Variants in ZNF558 observed in about 807,000 individuals in gnomAD.
ZNF558 encodes zinc finger protein 558.
In ZNF558, 23 loss-of-function variants were observed where a neutral mutation model predicts 37.6. The observed-to-expected ratio is 0.61, with a 90% CI of 0.44 to 0.87. The LOEUF (loss-of-function observed/expected upper bound fraction) is 0.87. Among genes scored for constraint, ZNF558 ranks in the 40% least tolerant of loss-of-function variants. ZNF558 has a pLI of 0.00. For missense variants in ZNF558, 429 were observed against 483.7 expected, an observed-to-expected ratio of 0.89 and a Z score of 1.06; for synonymous variants, 189 against 174.4, an observed-to-expected ratio of 1.08 and a Z score of -0.66.
intron 7 of ZNF558, among the ~76,000 whole-genome samples, chr19:8,813,758 A>G (rs1250471442): frequency 6.6e-6 from 1 of 152,254 alleles, no homozygotes; most frequent in South Asian, 2.1e-4. Flanking sequence ...TAGGGCATAA[A>G]CAGCCCCAGA....
intron 9 of ZNF558, among the ~76,000 whole-genome samples, 154 bp downstream of exon 9, chr19:8,812,407 A>G (rs1450398561): frequency 2.6e-5 from 4 of 152,226 alleles, no homozygotes; most frequent in Admixed American, 2.6e-4. Context: ...TTCTCTAAAT[A>G]TTTATAATTT....
At position 8,807,093 on chromosome 19, in the gene ZNF558, G is replaced by T. The variant is rs1200582506; in HGVS notation, c.*4188C>A. 1.3e-5 allele frequency: 2 copies of T among 152,296 alleles called. No individual in the cohort carries two copies. Among genetic ancestry groups the T allele is most frequent in the Admixed American group, 1.3e-4 (2 of 15,298 alleles). The allele number at this position is 152,296 out of a possible 1,614,324, so 9.4% of individuals were successfully genotyped here. On this transcript the variant is annotated 3_prime_UTR_variant, in exon 10 of 10. Transcript: ENST00000601372. ...GCTATTGATTTATATATTCATAAAT[G>T]GGGATATTTTCCTGTCTCAATGGAT... is the stretch of plus-strand genomic sequence containing the variant.
upstream of ZNF558, among the ~76,000 whole-genome samples, chr19:8,834,692 A>G (rs1311963038): frequency 3.3e-5 from 5 of 151,912 alleles, no homozygotes; most frequent in Non-Finnish European, 4.4e-5. Flanking sequence ...ATGAAATTGG[A>G]CCTCTACTTC....
upstream of ZNF558, among the ~76,000 whole-genome samples, chr19:8,835,197 G>C (rs1043832892): frequency 6.6e-6 from 1 of 152,012 alleles, no homozygotes; most frequent in Admixed American, 6.6e-5. Context: ...GACCACAGGC[G>C]TTCACCACCA....
chr19:8,830,885 AC>A (rs1345206423), intron 2 of ZNF558: 2 of 151,774 alleles, frequency 1.3e-5, no homozygotes, highest in Non-Finnish European at 2.9e-5. Flanking sequence ...ACAGAGTGAG[AC>A]TTGGTCTCAA....
Position 8,812,626 on chromosome 19 carries a change from T to C in ZNF558, c.361A>G (p.Lys121Glu). 2 of 1,601,316 alleles carry C rather than the reference T, an allele frequency of 1.2e-6. No individual in the cohort carries two copies. Among genetic ancestry groups the C allele is most frequent in the Non-Finnish European group, 1.7e-6 (2 of 1,176,608 alleles). Reference protein sequence around the residue: ...STCPDLETLLKAKWLTPKKNV... With the variant: ...STCPDLETLLEAKWLTPKKNV... ...TTCTTAGGAGTTAACCATTTGGCTT[T>C]AAGTAGAGTCTCCAAATCTGAAACA... The change falls in exon 9 of 10, where the codon AAA becomes GAA. Residue 121 changes from lysine (K) to glutamate (E), a missense_variant. Physicochemically the swap from Lys to Glu is moderately conservative, Grantham distance 56. Coordinates refer to ENST00000601372, the MANE Select transcript of ZNF558 (RefSeq NM_144693.3).
upstream of ZNF558, chr19:8,832,393 T>C (rs1402815695): frequency 1.3e-5 from 2 of 152,868 alleles, no homozygotes; most frequent in East Asian, 3.8e-4. Flanking sequence ...TCGAGCGTGT[T>C]GGGGGTTCGG....
At chr19:8,815,800 A>C (rs891938695) in intron 7 of ZNF558, among the ~76,000 whole-genome samples, 6 of 144,478 alleles carry the variant, frequency 4.2e-5, no homozygotes, top group Admixed American at 4.1e-4. Context: ...AAAGATAAAG[A>C]GAGAGAGAGA....
In ZNF558 at chr19:8,813,203, G is replaced by C; in HGVS notation, c.267C>G (p.Pro89=). ...LASLGCRVNK[P]SLISQLEQDK... ...CTTGTTCCAACTGGGATATCAGACT[G>C]GGTTTATTAACACGACACCCTATTT... The change falls in exon 8 of 10, where the codon CCC becomes CCG. Residue 89 remains proline (P), a synonymous_variant. Coordinates refer to ENST00000601372, the MANE Select transcript of ZNF558 (RefSeq NM_144693.3). The C allele has an allele frequency of 6.3e-7, 1 of 1,595,884 alleles. No homozygotes were observed. Among genetic ancestry groups the C allele is most frequent in the Non-Finnish European group, 8.5e-7 (1 of 1,170,202 alleles).
At chr19:8,819,639 G>A (rs2967742) in intron 7 of ZNF558, among the ~76,000 whole-genome samples, 124,534 of 152,170 alleles carry the variant, frequency 0.82, 51,448 homozygotes, top group South Asian at 0.92. Flanking sequence ...AACAACCCAA[G>A]TAAAACATGG....
In ZNF558 at chr19:8,822,591, G is replaced by A; in HGVS notation, c.31+38C>T. Reference sequence around the variant, plus strand: ...CATGCTGTGGGTCAGAACCTTTCAAGGCTGGACTCTGAGAAATGTCAGGAC... The same window carrying A: ...CATGCTGTGGGTCAGAACCTTTCAAAGCTGGACTCTGAGAAATGTCAGGAC... On this transcript the variant is annotated intron_variant, in intron 5 of 9. Transcript: ENST00000601372. This position sits in a 1 kb window ranked among gnomAD's most constrained non-coding sequence, Gnocchi z 4.4. 6.2e-7 allele frequency: 1 copy of A among 1,613,930 alleles called. No homozygotes were observed. The highest frequency in any genetic ancestry group is 1.7e-5 in the Admixed American group (1 of 60,016).
In ZNF558 at chr19:8,811,694, A is replaced by G. The variant is rs1555768116; in HGVS notation, c.796T>C (p.Cys266Arg). The G allele has an allele frequency of 1.2e-6, 2 of 1,614,154 alleles. No homozygotes were observed. The highest frequency in any genetic ancestry group is 2.2e-5 in the South Asian group (2 of 91,074). ...CTGAAAGCTTTTCCACACTGATTAC[A>G]TTCATGGTGATTCTCCCCCGTGTGA... ...RIHTGENHHE[C>R]NQCGKAFSTR... The change falls in exon 10 of 10, where the codon TGT (cysteine) becomes CGT (arginine). Residue 266 changes from cysteine to arginine, a missense_variant. Coordinates refer to ENST00000601372, the MANE Select transcript of ZNF558 (RefSeq NM_144693.3).
chr19:8,821,735 A>C, intron 6 of ZNF558: 7 of 1,326,662 alleles, frequency 5.3e-6, no homozygotes, highest in Non-Finnish European at 6.8e-6. Flanking sequence ...TTGGGTTTAG[A>C]ACATCATCAC....
chr19:8,816,502 C>T (rs11085736), intron 7 of ZNF558, among the ~76,000 whole-genome samples: 22,135 of 152,140 alleles, frequency 0.15, 2,045 homozygotes, highest in East Asian at 0.28. Context: ...AACCACCAAG[C>T]GCTGGAGTGG....
intron 2 of ZNF558, among the ~76,000 whole-genome samples, chr19:8,830,139 G>A (rs950376474): frequency 6.6e-5 from 10 of 152,202 alleles, no homozygotes; most frequent in Non-Finnish European, 2.9e-5. Flanking sequence ...GAAGTTTGGC[G>A]TTTATGTCTT....
chr19:8,833,007 G>C (rs2044400589), upstream of ZNF558: 3 of 153,080 alleles, frequency 2.0e-5, no homozygotes, highest in Non-Finnish European at 4.3e-5. Context: ...GACTGTGGGC[G>C]GAGACCAGTT....
chr19:8,825,380 A>C (rs2044208510), intron 2 of ZNF558, among the ~76,000 whole-genome samples: 1 of 152,206 alleles, frequency 6.6e-6, no homozygotes, highest in Non-Finnish European at 1.5e-5. Flanking sequence ...CAAAACCTGC[A>C]ATTACTTTTG....
chr19:8,813,538 T>C (rs1030359283), intron 7 of ZNF558, among the ~76,000 whole-genome samples: 5 of 152,138 alleles, frequency 3.3e-5, no homozygotes, highest in Non-Finnish European at 7.3e-5. Flanking sequence ...TTTGTATTTT[T>C]AGTAGAGACG....
At chr19:8,814,015 T>C (rs1435954691) in intron 7 of ZNF558, among the ~76,000 whole-genome samples, 1 of 152,186 alleles carries the variant, frequency 6.6e-6, no homozygotes. Flanking sequence ...AGGACGGAAT[T>C]CCAAACGTTC....
Sources: allele counts gnomAD v4.1 joint callset (sites outside exome capture counted in the v4.1 genomes callset), GRCh38; gene constraint gnomAD v4.1.1; non-coding constraint Gnocchi (gnomAD v3.1); transcripts MANE v1.5; gene names NCBI Gene and HGNC (gene_info 2026-07-23, HGNC 2026-07-21).